SKOR2: variants seen among roughly 807,000 people sequenced by gnomAD.
SKOR2 encodes SKI family transcriptional corepressor 2, also known as LBX1 corepressor 1-like protein.
Under a neutral mutation model 69.1 loss-of-function variants are expected in SKOR2, and 47 were observed. The observed-to-expected ratio is 0.68, with a 90% CI of 0.54 to 0.87. The LOEUF is 0.87. Among genes scored for constraint, SKOR2 ranks in the 40% least tolerant of loss-of-function variants. The pLI, the probability that SKOR2 is intolerant of heterozygous loss-of-function variation, is 0.00. For synonymous variants in SKOR2, 717 were observed against 672.6 expected, an observed-to-expected ratio of 1.07 and a Z score of -1.02; for missense variants, 1,404 against 1,472.2, an observed-to-expected ratio of 0.95 and a Z score of 0.76.
chr18:47,219,875 T>C, intron 7 of SKOR2, 68 bp downstream of exon 7: 2 of 1,363,540 alleles, frequency 1.5e-6, no homozygotes, highest in South Asian at 2.5e-5. Context: ...AACAGTTTCA[T>C]ACATATTGGG....
intron 4 of SKOR2, among the ~76,000 whole-genome samples, chr18:47,232,731 C>T (rs932902451): frequency 2.6e-5 from 4 of 152,194 alleles, no homozygotes; most frequent in African/African-American, 7.2e-5. Flanking sequence ...AAAGGGTCTG[C>T]AGTTGTTTCT....
chr18:47,231,381 G>A (rs2064197680), intron 4 of SKOR2, among the ~76,000 whole-genome samples: 3 of 152,136 alleles, frequency 2.0e-5, no homozygotes, highest in Admixed American at 1.3e-4. Flanking sequence ...CTCCTTGAAG[G>A]GAGGAAGCTT....
Position 47,230,518 on chromosome 18 carries a change from CG to C in SKOR2, c.2857del (p.Arg953GlyfsTer11). On this transcript the variant is annotated frameshift_variant, in exon 6 of 9. Transcript: ENST00000425639. LOFTEE classifies it high-confidence loss of function. ...CTGGAATTCTTGTTCCAGTCGTCTC[CG>C]TAAATCTATTTGTTCAAATAAAACC... is the stretch of plus-strand genomic sequence containing the variant. ...QKVLFEQIDLRRRLEQEFQVL... is the reference protein window; with the variant it reads ...QKVLFEQIDLXRRLEQEFQVL... The C allele has an allele frequency of 6.9e-7, 1 of 1,440,324 alleles. No homozygotes were observed. The highest frequency in any genetic ancestry group is 1.6e-5 in the South Asian group (1 of 64,096). The allele number at this position is 1,440,324 out of a possible 1,614,324, so 89.2% of individuals were successfully genotyped here. A position where few individuals can be genotyped will look rare whatever the true frequency, so the allele number is the denominator to read the frequency against.
chr18:47,242,639 T>G (rs2064254038), intron 4 of SKOR2, among the ~76,000 whole-genome samples: 1 of 152,116 alleles, frequency 6.6e-6, no homozygotes, highest in Admixed American at 6.5e-5. Context: ...GAAGTAGACT[T>G]ATGAAGATTG....
chr18:47,209,761 G>A (rs542051472), intron 8 of SKOR2, among the ~76,000 whole-genome samples: 2 of 152,146 alleles, frequency 1.3e-5, no homozygotes, highest in Admixed American at 1.3e-4. Flanking sequence ...TTGGGGAAGT[G>A]TAAGGAGTAA....
chr18:47,220,452 G>A (rs1411900725), intron 6 of SKOR2, among the ~76,000 whole-genome samples: 5 of 152,072 alleles, frequency 3.3e-5, no homozygotes, highest in Non-Finnish European at 5.9e-5. Flanking sequence ...TAAGATGTGA[G>A]TCTGTGAAAA....
In SKOR2 at chr18:47,248,424, G is replaced by A; in HGVS notation, c.760C>T (p.His254Tyr). Residue 254 changes from histidine to tyrosine, a missense_variant, in exon 2 of 9, where the codon CAC becomes TAC. His to Tyr is a moderately conservative substitution (Grantham distance 83). Around this residue, in one of 3 missense-constraint regions of SKOR2, gnomAD observed 1,266 missense variants for 1,309.9 expected, o/e 0.97. Transcript: ENST00000425639. The surrounding 1 kb of genome is among the most constrained non-coding windows in gnomAD (Gnocchi z 6.4). ...GCCGCCTTCACAGAGCTGAGCGGGTGGCAGGCGGGGTGCGCGCCCGGCTGG... is the reference window on the plus strand; with the variant it reads ...GCCGCCTTCACAGAGCTGAGCGGGTAGCAGGCGGGGTGCGCGCCCGGCTGG... ...LPQPGAHPAC[H>Y]PLSSVKAAAV... 6.5e-7 allele frequency: 1 copy of A among 1,532,124 alleles called. No individual in the cohort carries two copies. The highest frequency in any genetic ancestry group is 8.7e-7 in the Non-Finnish European group (1 of 1,144,622). The allele number at this position is 1,532,124 out of a possible 1,614,324, so 94.9% of individuals were successfully genotyped here.
intron 8 of SKOR2, among the ~76,000 whole-genome samples, chr18:47,209,299 C>T (rs183916411): frequency 2.4e-4 from 36 of 152,252 alleles, no homozygotes; most frequent in Middle Eastern, 6.8e-3. Flanking sequence ...CCTTAAGGGT[C>T]ACTCTTGCAT....
Position 47,248,536 on chromosome 18 carries a change from G to A in SKOR2, c.648C>T (p.Thr216=). The A allele has an allele frequency of 6.5e-7, 1 of 1,537,316 alleles. No homozygotes were observed. The highest frequency in any genetic ancestry group is 2.4e-5 in the East Asian group (1 of 40,886). Residue 216 remains threonine (T), a synonymous_variant, in exon 2 of 9, where the codon ACC becomes ACT. Coordinates refer to ENST00000425639, the MANE Select transcript of SKOR2 (RefSeq NM_001278063.4). The surrounding 1 kb of genome is among the most constrained non-coding windows in gnomAD (Gnocchi z 6.4). ...CCAGCTCGTCCTGGGGACTCTTGTC[G>A]GTGAGCTTGAGATGACGGCGCCACG... ...FNSWRRHLKL[T]DKSPQDELVF...
chr18:47,244,642 C>T (rs1244168731), intron 4 of SKOR2, among the ~76,000 whole-genome samples: 3 of 152,112 alleles, frequency 2.0e-5, no homozygotes, highest in African/African-American at 7.2e-5. Flanking sequence ...GAGAACATTT[C>T]AATTATTGTC....
intron 7 of SKOR2, 114 bp downstream of exon 7, chr18:47,219,829 A>C (rs1399440418): frequency 2.4e-6 from 2 of 844,218 alleles, no homozygotes; most frequent in East Asian, 5.4e-5. Context: ...GCCAGCTGAG[A>C]GGTAAGTGGA....
intron 7 of SKOR2, among the ~76,000 whole-genome samples, chr18:47,215,861 G>A (rs924576079): frequency 2.6e-5 from 4 of 152,066 alleles, no homozygotes; most frequent in African/African-American, 4.8e-5. Context: ...GCATCACAAC[G>A]TTCTCCAAGA....
Position 47,247,196 on chromosome 18 carries a change from T to C in SKOR2, c.1988A>G (p.His663Arg). ...CTGCGGGGGGTGGTGGTGGTGGTGG[T>C]GGTGGTGAGGGTGGTGATGGTGGTG... Reference protein sequence around the residue: ...HPHHHHHPHHHHHHHHPPQPP... With the variant: ...HPHHHHHPHHRHHHHHPPQPP... Residue 663 changes from histidine (H) to arginine (R), a missense_variant, in exon 2 of 9, where the codon CAC becomes CGC. This residue lies in a region of SKOR2 where 1,266 missense variants were observed against 1,309.9 expected (regional missense o/e 0.97). Coordinates refer to ENST00000425639, the MANE Select transcript of SKOR2 (RefSeq NM_001278063.4). This position sits in a 1 kb window ranked among gnomAD's most constrained non-coding sequence, Gnocchi z 6.6. 7.4e-7 allele frequency: 1 copy of C among 1,355,382 alleles called. No individual in the cohort carries two copies. Among genetic ancestry groups the C allele is most frequent in the South Asian group, 1.8e-5 (1 of 56,830 alleles). 84.0% of individuals were successfully genotyped at this position (1,355,382 alleles called of 1,614,324 possible).
intron 6 of SKOR2, among the ~76,000 whole-genome samples, chr18:47,220,689 G>A (rs2144485996): frequency 6.6e-6 from 1 of 152,254 alleles, no homozygotes; most frequent in Middle Eastern, 3.4e-3. Context: ...CATATTTATT[G>A]CATTAGGGAA....
intron 4 of SKOR2, among the ~76,000 whole-genome samples, chr18:47,233,646 A>T (rs1398877760): frequency 6.6e-6 from 1 of 152,240 alleles, no homozygotes; most frequent in Non-Finnish European, 1.5e-5. Flanking sequence ...TTTAAATGAG[A>T]TCTTTATTCC....
At position 47,248,597 on chromosome 18, in the gene SKOR2, G is replaced by A. The variant is rs776772589; in HGVS notation, c.587C>T (p.Ala196Val). 3 of 1,541,950 alleles carry A rather than the reference G, an allele frequency of 1.9e-6. No individual in the cohort carries two copies. The highest frequency in any genetic ancestry group is 2.6e-6 in the Non-Finnish European group (3 of 1,148,952). The change falls in exon 2 of 9, where the codon GCC (alanine) becomes GTC (valine). Residue 196 changes from alanine to valine, a missense_variant. Physicochemically the swap from Ala to Val is moderately conservative, Grantham distance 64. Coordinates refer to ENST00000425639, the MANE Select transcript of SKOR2 (RefSeq NM_001278063.4). This position sits in a 1 kb window ranked among gnomAD's most constrained non-coding sequence, Gnocchi z 6.4. ...FIFHSHRTPDAKYTQPDAANF... is the reference protein window; with the variant it reads ...FIFHSHRTPDVKYTQPDAANF... ...GGCTGCGTCTGGCTGAGTGTACTTG[G>A]CGTCGGGCGTGCGGTGGGAGTGGAA...
chr18:47,208,110 G>A (rs185173064), intron 8 of SKOR2, among the ~76,000 whole-genome samples: 1 of 152,272 alleles, frequency 6.6e-6, no homozygotes, highest in Admixed American at 6.5e-5. Flanking sequence ...GACTCAAAGA[G>A]ATTAAATGAT....
chr18:47,216,295 A>G (rs1600025499), intron 7 of SKOR2, among the ~76,000 whole-genome samples: 1 of 152,240 alleles, frequency 6.6e-6, no homozygotes, highest in Admixed American at 6.5e-5. Flanking sequence ...AATGTGGCTT[A>G]GTAATACAAA....
Position 47,247,034 on chromosome 18 carries a change from A to G in SKOR2, c.2150T>C (p.Leu717Pro). Residue 717 changes from leucine to proline, a missense_variant, in exon 2 of 9, where the codon CTG (leucine) becomes CCG (proline). Physicochemically the swap from Leu to Pro is moderately conservative, Grantham distance 98. Coordinates refer to ENST00000425639, the MANE Select transcript of SKOR2 (RefSeq NM_001278063.4). The surrounding 1 kb of genome is among the most constrained non-coding windows in gnomAD (Gnocchi z 6.6). ...GCAGCAGCTGGTTCCCCCGGGAGAC[A>G]GAAGGCCTCGGTGGTGCGGGTGCTG... ...LAQHPHHRGLLSPGGTSCCYP... is the reference protein window; with the variant it reads ...LAQHPHHRGLPSPGGTSCCYP... The G allele has an allele frequency of 6.8e-7, 1 of 1,471,166 alleles. No homozygotes were observed. The highest frequency in any genetic ancestry group is 2.2e-5 in the Admixed American group (1 of 44,714). The allele number at this position is 1,471,166 out of a possible 1,614,324, so 91.1% of individuals were successfully genotyped here.
Sources: gnomAD v4.1 joint callset for allele counts (sites outside exome capture counted in the v4.1 genomes callset) on GRCh38, gnomAD v4.1.1 for gene constraint, gnomAD v4.1.1 regional missense constraint, Gnocchi (gnomAD v3.1) non-coding constraint, MANE v1.5 for transcripts, NCBI Gene and HGNC (gene_info 2026-07-23, HGNC 2026-07-21) for gene names.